SLIT1: variants seen among roughly 807,000 people sequenced by gnomAD.
SLIT1 encodes slit guidance ligand 1.
SLIT1 carries 66 observed loss-of-function variants against 186.1 expected under a neutral mutation model. The ratio of observed to expected loss-of-function variants is 0.35; its 90% CI spans 0.29 to 0.44. The LOEUF (loss-of-function observed/expected upper bound fraction) is 0.44, where lower values mean the gene tolerates loss of function less well. SLIT1 is among the 20% of genes least tolerant of loss of function. SLIT1 has a pLI of 1.00. For missense variants in SLIT1, 1,638 were observed against 2,037.4 expected, an observed-to-expected ratio of 0.80 and a Z score of 3.77; for synonymous variants, 761 against 833.8, an observed-to-expected ratio of 0.91 and a Z score of 1.50.
intron 11 of SLIT1, chr10:97,057,939 C>A: frequency 1.4e-6 from 1 of 716,070 alleles, no homozygotes; most frequent in Non-Finnish European, 2.6e-6. Context: ...AATCGGACCC[C>A]ACAAGCTACC....
At chr10:97,039,028 A>G (rs928242926) in intron 21 of SLIT1, among the ~76,000 whole-genome samples, 3 of 152,216 alleles carry the variant, frequency 2.0e-5, no homozygotes, top group African/African-American at 7.2e-5. Flanking sequence ...CTAACTCTGC[A>G]GTAGAAAACA....
chr10:97,020,950 G>A (rs916013652), intron 26 of SLIT1, among the ~76,000 whole-genome samples: 1 of 152,266 alleles, frequency 6.6e-6, no homozygotes, highest in Non-Finnish European at 1.5e-5. Flanking sequence ...AGGGAGGTCT[G>A]AGCGCATGCT....
At chr10:97,038,293 C>CA (rs565289186) in intron 21 of SLIT1, among the ~76,000 whole-genome samples, 1 of 152,290 alleles carries the variant, frequency 6.6e-6, no homozygotes, top group Admixed American at 6.5e-5. Context: ...CCTCCCTCTG[C>CA]AGCCAGTGCC....
chr10:97,114,023 C>T (rs1458288702), intron 4 of SLIT1, among the ~76,000 whole-genome samples: 3 of 152,124 alleles, frequency 2.0e-5, no homozygotes, highest in African/African-American at 7.2e-5. Flanking sequence ...TGAAGCCACT[C>T]CAGCTCTCCC....
chr10:97,074,504 T>C (rs1369378693), intron 4 of SLIT1, among the ~76,000 whole-genome samples: 1 of 152,206 alleles, frequency 6.6e-6, no homozygotes, highest in Non-Finnish European at 1.5e-5. Context: ...AAGCACTTGT[T>C]ATTGTGGATG....
At chr10:97,162,545 G>T (rs973260569) in intron 3 of SLIT1, among the ~76,000 whole-genome samples, 7 of 152,144 alleles carry the variant, frequency 4.6e-5, no homozygotes, top group African/African-American at 1.7e-4. Flanking sequence ...CCCGGGAGGT[G>T]GAGGTTGCAG....
chr10:97,013,742 T>C lies in SLIT1; in HGVS notation c.3202A>G (p.Arg1068Gly). Residue 1068 changes from arginine (R) to glycine (G), a missense_variant and splice_region_variant, in exon 30 of 37, where the codon AGG (arginine) becomes GGG (glycine). Physicochemically the swap from Arg to Gly is moderately radical, Grantham distance 125. Coordinates refer to ENST00000266058, the MANE Select transcript of SLIT1 (RefSeq NM_003061.3). ...GCCCTGGAAAGGGGCAACACTCACC[T>C]GGGCCCATCCGGGGTGCCCACACAC... ...AQCVGTPDGPRCECMPGYAGD... is the reference protein window; with the variant it reads ...AQCVGTPDGPGCECMPGYAGD... 6.4e-7 allele frequency: 1 copy of C among 1,550,518 alleles called. No individual in the cohort carries two copies.
intron 26 of SLIT1, 69 bp from the exon 27 acceptor site, chr10:97,019,176 C>A: frequency 9.8e-7 from 1 of 1,019,654 alleles, no homozygotes; most frequent in South Asian, 1.4e-5. Flanking sequence ...CAGAGCACCT[C>A]AACCCCGAGG....
chr10:97,017,259 C>T (rs1004453153), intron 28 of SLIT1, among the ~76,000 whole-genome samples: 6 of 152,172 alleles, frequency 3.9e-5, no homozygotes, highest in Non-Finnish European at 8.8e-5. Context: ...GTAAGGACGC[C>T]GTTTCCAAGG....
intron 4 of SLIT1, among the ~76,000 whole-genome samples, chr10:97,098,427 G>A (rs918409214): frequency 1.3e-5 from 2 of 152,194 alleles, no homozygotes; most frequent in East Asian, 3.9e-4. Flanking sequence ...CCCCTTGGCT[G>A]GAGGGACCTG....
At chr10:97,133,595 C>T (rs114675070) in intron 4 of SLIT1, among the ~76,000 whole-genome samples, 4 of 151,962 alleles carry the variant, frequency 2.6e-5, no homozygotes, top group African/African-American at 4.8e-5. Context: ...CACAACGATG[C>T]GAACTTAACA....
intron 4 of SLIT1, chr10:97,154,484 T>C (rs763788821): frequency 2.0e-5 from 3 of 152,128 alleles, no homozygotes; most frequent in Non-Finnish European, 2.9e-5. Context: ...AATCCTGCTA[T>C]GCTCCTGGAT....
At chr10:97,081,458 G>T (rs1040415566) in intron 4 of SLIT1, among the ~76,000 whole-genome samples, 1 of 152,106 alleles carries the variant, frequency 6.6e-6, no homozygotes, top group Non-Finnish European at 1.5e-5. Context: ...AGGGGAAATG[G>T]GGTCCACTTC....
chr10:97,164,974 G>T, intron 1 of SLIT1, 84 bp from the exon 2 acceptor site: 2 of 975,778 alleles, frequency 2.0e-6, no homozygotes, highest in South Asian at 1.3e-5. Flanking sequence ...TGCCCTCCCC[G>T]CCTGGATCAG....
rs1300279484 is a variant in SLIT1 at position 96,998,990 on chromosome 10, G to GCTAT, written c.*2118_*2121dup. The GCTAT allele has an allele frequency of 4.6e-5, 7 of 152,332 alleles. No individual in the cohort carries two copies. The highest frequency in any genetic ancestry group is 1.9e-4 in the East Asian group (1 of 5,192). 9.4% of individuals were successfully genotyped at this position (152,332 alleles called of 1,614,324 possible). ...GTGGGGAATGGTGGTGGCCAGGAAA[G>GCTAT]CTATCTTTCTCAGGGTTGGTGAGTC... On this transcript the variant is annotated 3_prime_UTR_variant, in exon 37 of 37. Coordinates refer to ENST00000266058, the MANE Select transcript of SLIT1 (RefSeq NM_003061.3).
At chr10:97,065,137 T>TAC (rs55991572) in intron 5 of SLIT1, among the ~76,000 whole-genome samples, 125 of 150,836 alleles carry the variant, frequency 8.3e-4, no homozygotes, top group African/African-American at 2.9e-3. Context: ...GGCACCCCCC[T>TAC]ACACACACAC....
At chr10:97,028,198 A>G (rs1372896842) in intron 25 of SLIT1, among the ~76,000 whole-genome samples, 2 of 152,180 alleles carry the variant, frequency 1.3e-5, no homozygotes, top group Non-Finnish European at 2.9e-5. Flanking sequence ...AATTCAAGTC[A>G]GTAGGAACAA....
intron 1 of SLIT1, among the ~76,000 whole-genome samples, chr10:97,181,350 A>G: frequency 6.6e-6 from 1 of 152,230 alleles, no homozygotes; most frequent in East Asian, 1.9e-4. Flanking sequence ...CCATCCAATT[A>G]TTATTTGGAA....
At chr10:97,182,520 T>C (rs999708104) in intron 1 of SLIT1, among the ~76,000 whole-genome samples, 13 of 152,214 alleles carry the variant, frequency 8.5e-5, no homozygotes, top group African/African-American at 2.7e-4. Flanking sequence ...TGAGCAGCTC[T>C]TTCACGGGCT....
Sources: allele counts gnomAD v4.1 joint callset (sites outside exome capture counted in the v4.1 genomes callset), GRCh38; gene constraint gnomAD v4.1.1; transcripts MANE v1.5; gene names NCBI Gene and HGNC (gene_info 2026-07-23, HGNC 2026-07-21).